PI4KA: variants seen among roughly 807,000 people sequenced by gnomAD.
The protein encoded by PI4KA is phosphatidylinositol 4-kinase alpha.
In PI4KA, 122 loss-of-function variants were observed where a neutral mutation model predicts 271.4. The ratio of observed to expected loss-of-function variants is 0.45; its 90% CI spans 0.39 to 0.52. The LOEUF (loss-of-function observed/expected upper bound fraction) is 0.52, where lower values mean the gene tolerates loss of function less well. Ranked by LOEUF, PI4KA falls within the 20% of genes least tolerant of loss-of-function variation. The probability of loss-of-function intolerance (pLI) is 0.00; values close to 1 mark genes in which losing one functional copy is unlikely to be tolerated. For missense variants in PI4KA, 1,969 were observed against 2,769.1 expected (o/e 0.71, Z 6.48); for synonymous variants, 1,041 against 1,078.8 (o/e 0.96, Z 0.69).
chr22:20,788,631 T>C (rs1483745410), intron 19 of PI4KA, among the ~76,000 whole-genome samples: 1 of 152,228 alleles, frequency 6.6e-6, no homozygotes, highest in Non-Finnish European at 1.5e-5. Context: ...TGAGAGCAGA[T>C]GGTGCAGGGG....
Position 20,858,545 on chromosome 22 carries a change from C to A in PI4KA, c.156+25G>T, listed in dbSNP as rs1023387086. 6 of 1,354,728 alleles carry A rather than the reference C, an allele frequency of 4.4e-6. No homozygotes were observed. The Admixed American group carries it at 1.7e-4, about 39-fold the overall frequency. The allele number at this position is 1,354,728 out of a possible 1,614,324, so 83.9% of individuals were successfully genotyped here. A position where few individuals can be genotyped will look rare whatever the true frequency, so the allele number is the denominator to read the frequency against. The stretch of plus-strand genomic sequence containing the variant: ...CACCCCAGCCCCTCCTCCTGTCAGC[C>A]CGCGGCCCAGCCCGCCGACGTTACC... On this transcript the variant is annotated intron_variant, in intron 1 of 54. Coordinates refer to ENST00000255882, the MANE Select transcript of PI4KA (RefSeq NM_058004.4).
At chr22:20,731,322 G>C (rs1219110569) in intron 36 of PI4KA, among the ~76,000 whole-genome samples, 1 of 152,240 alleles carries the variant, frequency 6.6e-6, no homozygotes, top group African/African-American at 2.4e-5. Flanking sequence ...TGTAAGGACT[G>C]TTTGCCCTCT....
chr22:20,723,185 T>A (rs1926947256), intron 42 of PI4KA, among the ~76,000 whole-genome samples: 1 of 151,724 alleles, frequency 6.6e-6, no homozygotes. Flanking sequence ...GCCTGGCTAA[T>A]CTTTTTTTGT....
At chr22:20,758,209 C>A (rs2147359876) in intron 23 of PI4KA, among the ~76,000 whole-genome samples, 1 of 151,634 alleles carries the variant, frequency 6.6e-6, no homozygotes, top group Admixed American at 6.6e-5. Context: ...ACTAAAAATA[C>A]AAAAAATTAG....
At chr22:20,815,798 T>A (rs1191814257) in intron 7 of PI4KA, among the ~76,000 whole-genome samples, 2 of 152,262 alleles carry the variant, frequency 1.3e-5, no homozygotes, top group East Asian at 3.9e-4. Context: ...ATCGGGCACT[T>A]CTCAGAAAGA....
At position 20,858,678 on chromosome 22, in the gene PI4KA, GCCGCCT is replaced by G. The variant is rs532050128; in HGVS notation, c.42_47del (p.Gly17_Gly18del). 5,222 of 1,470,648 alleles carry G rather than the reference GCCGCCT, an allele frequency of 3.6e-3. 16 individuals are homozygous for G. Among genetic ancestry groups the G allele is most frequent in the Middle Eastern group, 7.7e-3 (36 of 4,664 alleles). 91.1% of individuals were successfully genotyped at this position (1,470,648 alleles called of 1,614,324 possible). On this transcript the variant is annotated inframe_deletion, in exon 1 of 55. Coordinates refer to ENST00000255882, the MANE Select transcript of PI4KA (RefSeq NM_058004.4). ...TGGAGCCGGAGCCGGAGCAGCCGCC[GCCGCCT>G]CCGCCTCCGCCTCCGCCTCCCCGGG...
intron 42 of PI4KA, 74 bp from the exon 43 acceptor site, chr22:20,721,492 C>A: frequency 6.5e-7 from 1 of 1,539,978 alleles, no homozygotes; most frequent in Non-Finnish European, 9.0e-7. Context: ...CAGCTGCTGA[C>A]TCCCGGCATT....
chr22:20,788,066 G>A (rs1474292017), intron 19 of PI4KA, among the ~76,000 whole-genome samples: 2 of 152,198 alleles, frequency 1.3e-5, no homozygotes, highest in African/African-American at 4.8e-5. Flanking sequence ...TCAATCCCTG[G>A]GTAAGACAAG....
At chr22:20,804,242 G>T in intron 12 of PI4KA, 58 bp downstream of exon 12, 2 of 1,149,918 alleles carry the variant, frequency 1.7e-6, no homozygotes, top group South Asian at 1.2e-5. Context: ...GCAACAGCGT[G>T]ACAAGAGGGA....
intron 2 of PI4KA, among the ~76,000 whole-genome samples, chr22:20,838,071 A>T (rs1925091055): frequency 6.6e-6 from 1 of 151,580 alleles, no homozygotes; most frequent in Non-Finnish European, 1.5e-5. Context: ...CAGTGAGCCG[A>T]GATTGCACCA....
rs111401881 is a variant in PI4KA, at chr22:20,773,386, A to AAAAC, written c.2329-7697_2329-7694dup. Among the ~76,000 whole-genome samples the AAAAC allele has an allele frequency of 7.9e-3, 1,207 of 152,200 alleles. 11 individuals carry two copies. The highest frequency in any genetic ancestry group is 0.026 in the African/African-American group (1,098 of 41,494). On this transcript the variant is annotated intron_variant, in intron 19 of 54. Coordinates refer to ENST00000255882, the MANE Select transcript of PI4KA (RefSeq NM_058004.4). ...GGGCAGCAGCGCGAAACTCTGTCTCAAAACAAACAAACAAACAAACAAACA... is the reference window on the plus strand; with the variant it reads ...GGGCAGCAGCGCGAAACTCTGTCTCAAAACAAACAAACAAACAAACAAACAAACA...
At chr22:20,841,851 T>C (rs1329302850) in intron 1 of PI4KA, among the ~76,000 whole-genome samples, 6 of 152,028 alleles carry the variant, frequency 3.9e-5, no homozygotes, top group Admixed American at 6.6e-5. Flanking sequence ...TGGCCAACCA[T>C]TGCTCCCTTT....
In PI4KA at chr22:20,819,675, T is replaced by C. The variant is rs1200649689; in HGVS notation, c.755A>G (p.Lys252Arg). 6.2e-7 allele frequency: 1 copy of C among 1,614,078 alleles called. No homozygotes were observed. The highest frequency in any genetic ancestry group is 2.2e-5 in the East Asian group (1 of 44,886). The stretch of plus-strand genomic sequence containing the variant: ...GCTGGACACACTGCTGGTTTTCCTC[T>C]TCAGGGTACCCTCCTGACAGACAGT... ...LLTVCQEGTL[K>R]RKTSSVSSIS... Residue 252 changes from lysine (K) to arginine (R), a missense_variant, in exon 6 of 55, where the codon AAG becomes AGG. Physicochemically the swap from Lys to Arg is conservative, Grantham distance 26. Transcript: ENST00000255882.
intron 1 of PI4KA, among the ~76,000 whole-genome samples, chr22:20,842,389 TAAC>T (rs1483366055): frequency 9.2e-5 from 14 of 152,222 alleles, no homozygotes; most frequent in South Asian, 2.1e-4. Flanking sequence ...CGTGTTATTC[TAAC>T]AACAAGTCTG....
intron 23 of PI4KA, 142 bp from the exon 24 acceptor site, chr22:20,753,322 G>A (rs1211763320): frequency 1.4e-6 from 1 of 723,998 alleles, no homozygotes; most frequent in African/African-American, 1.8e-5. Context: ...CCTTCACCTA[G>A]CTTCCCTGGA....
Position 20,734,506 on chromosome 22 carries a change from T to C in PI4KA, c.3789A>G (p.Lys1263=). 6.2e-7 allele frequency: 1 copy of C among 1,613,878 alleles called. No individual in the cohort carries two copies. The highest frequency in any genetic ancestry group is 1.1e-5 in the South Asian group (1 of 91,072). The stretch of plus-strand genomic sequence containing the variant: ...TTATCTCAGCAGAAAACAGGCCAAA[T>C]TTCTGCTCCACCGTCATGTGCCAGG... ...AGAWHMTVEQ[K]FGLFSAEIKE... is the part of the protein sequence containing the mutation. The change falls in exon 33 of 55, where the codon AAA becomes AAG. Residue 1263 remains lysine, a synonymous_variant. Transcript: ENST00000255882.
intron 1 of PI4KA, among the ~76,000 whole-genome samples, chr22:20,851,509 T>A (rs1164120960): frequency 6.6e-6 from 1 of 152,108 alleles, no homozygotes; most frequent in Non-Finnish European, 1.5e-5. Flanking sequence ...TGCTAATTTT[T>A]GTATTTTTAG....
intron 7 of PI4KA, among the ~76,000 whole-genome samples, chr22:20,815,379 C>CAAAAAAAAAAAA (rs361826): frequency 1.4e-4 from 12 of 83,960 alleles, no homozygotes; most frequent in East Asian, 3.3e-4. Context: ...GACTGCGTCT[C>CAAAAAAAAAAAA]AAAAAAAAAA....
chr22:20,806,625 T>A (rs533849560), intron 10 of PI4KA, among the ~76,000 whole-genome samples: 1 of 151,888 alleles, frequency 6.6e-6, no homozygotes, highest in Admixed American at 6.6e-5. Flanking sequence ...TGACCCCAGA[T>A]CATGCCAATG....
Sources: allele counts gnomAD v4.1 joint callset (sites outside exome capture counted in the v4.1 genomes callset), GRCh38; gene constraint gnomAD v4.1.1; transcripts MANE v1.5; gene names NCBI Gene and HGNC (gene_info 2026-07-23, HGNC 2026-07-21).